Variants in KNTC1 observed in about 807,000 individuals in gnomAD.
The protein encoded by KNTC1 is kinetochore associated 1, also known as kinetochore-associated protein 1.
Under a neutral mutation model 314.4 loss-of-function variants are expected in KNTC1, and 253 were observed. The observed-to-expected ratio is 0.80, with a 90% CI of 0.73 to 0.89. The LOEUF (loss-of-function observed/expected upper bound fraction) is 0.89, where lower values mean the gene tolerates loss of function less well. KNTC1 is among the 40% of genes least tolerant of loss of function. KNTC1 has a pLI of 0.00. For synonymous variants in KNTC1, 901 were observed against 901.4 expected (o/e 1.00, Z 0.01); for missense variants, 2,475 against 2,572.9 (o/e 0.96, Z 0.82).
chr12:122,616,566 T>G (rs972121681), intron 57 of KNTC1, among the ~76,000 whole-genome samples: 1 of 152,188 alleles, frequency 6.6e-6, no homozygotes, highest in Admixed American at 6.5e-5. Flanking sequence ...CGGCCGAGAT[T>G]TCCTGTTTTA....
chr12:122,539,377 T>TA (rs2137691380), intron 4 of KNTC1, among the ~76,000 whole-genome samples: 2 of 152,322 alleles, frequency 1.3e-5, no homozygotes, highest in African/African-American at 4.8e-5. Context: ...TTGAAGGTGT[T>TA]ACCACAGCTT....
At chr12:122,545,622 T>G (rs1418016133) in intron 8 of KNTC1, among the ~76,000 whole-genome samples, 1 of 152,228 alleles carries the variant, frequency 6.6e-6, no homozygotes, top group East Asian at 1.9e-4. Flanking sequence ...GTTCACTGCA[T>G]GTCTTTAGTG....
At chr12:122,528,541 G>C (rs749559630) in intron 1 of KNTC1, among the ~76,000 whole-genome samples, 3 of 152,074 alleles carry the variant, frequency 2.0e-5, no homozygotes, top group African/African-American at 2.4e-5. Context: ...TGAGACCCTC[G>C]TCTCTCAAAA....
chr12:122,608,877 G>A (rs1334682176), intron 51 of KNTC1, among the ~76,000 whole-genome samples: 2 of 152,052 alleles, frequency 1.3e-5, no homozygotes, highest in Non-Finnish European at 1.5e-5. Flanking sequence ...GAGCAGCATA[G>A]TGAGACCCCC....
At chr12:122,536,595 C>T in intron 3 of KNTC1, among the ~76,000 whole-genome samples, 1 of 151,442 alleles carries the variant, frequency 6.6e-6, no homozygotes, top group Non-Finnish European at 1.5e-5. Flanking sequence ...TCTCAGCTCA[C>T]TGCAACCTCC....
chr12:122,546,598 G>A, intron 9 of KNTC1, 24 bp from the exon 10 acceptor site: 3 of 1,477,540 alleles, frequency 2.0e-6, no homozygotes, highest in Non-Finnish European at 2.8e-6. Context: ...AAAATCCTGA[G>A]ACATCTTATT....
chr12:122,589,722 T>C (rs892444073), intron 40 of KNTC1, among the ~76,000 whole-genome samples: 7 of 151,896 alleles, frequency 4.6e-5, no homozygotes, highest in Admixed American at 2.6e-4. Flanking sequence ...TCCTTCCACC[T>C]TGGTCTCCTG....
Position 122,546,644 on chromosome 12 carries a change from A to C in KNTC1, c.786A>C (p.Ile262=), listed in dbSNP as rs1962789348. 1.3e-6 allele frequency: 2 copies of C among 1,588,966 alleles called. No individual in the cohort carries two copies. Among genetic ancestry groups the C allele is most frequent in the Admixed American group, 3.5e-5 (2 of 57,598 alleles). The change falls in exon 10 of 64, where the codon ATA becomes ATC. Residue 262 remains isoleucine, a synonymous_variant. Transcript: ENST00000333479. The part of the protein sequence containing the change: ...IIKGAKKFQL[I]DNLLFVLDTD... ...TAGGTGCAAAGAAGTTCCAGCTGAT[A>C]GACAATCTACTTTTTGTTCTTGATA...
At chr12:122,565,263 A>AAAAC (rs1964252821) in intron 20 of KNTC1, among the ~76,000 whole-genome samples, 1 of 149,560 alleles carries the variant, frequency 6.7e-6, no homozygotes, top group Non-Finnish European at 1.5e-5. Context: ...AAAAAAAAAA[A>AAAAC]AACAGAGCTA....
At chr12:122,542,513 C>T (rs1160197432) in intron 6 of KNTC1, among the ~76,000 whole-genome samples, 2 of 152,138 alleles carry the variant, frequency 1.3e-5, no homozygotes, top group Non-Finnish European at 2.9e-5. Flanking sequence ...TGCCTGTAAT[C>T]CTGGCACTTT....
At chr12:122,624,543 T>G in intron 62 of KNTC1, 55 bp from the exon 63 acceptor site, 1 of 1,326,822 alleles carries the variant, frequency 7.5e-7, no homozygotes, top group African/African-American at 1.4e-5. Context: ...GCCGGGATTG[T>G]AGGCACAAGG....
intron 11 of KNTC1, 147 bp downstream of exon 11, chr12:122,547,677 C>G (rs1218922168): frequency 1.5e-6 from 1 of 654,370 alleles, no homozygotes; most frequent in African/African-American, 1.8e-5. Flanking sequence ...GCAAAATTCA[C>G]TGGGAACAGT....
At position 122,602,836 on chromosome 12, in the gene KNTC1, A is replaced by G. The variant is rs760590719; in HGVS notation, c.4833A>G (p.Glu1611=). The G allele has an allele frequency of 6.2e-7, 1 of 1,613,052 alleles. No homozygotes were observed. Among genetic ancestry groups the G allele is most frequent in the Non-Finnish European group, 8.5e-7 (1 of 1,179,228 alleles). The change falls in exon 47 of 64, where the codon GAA becomes GAG. Residue 1611 remains glutamate (E), a synonymous_variant. Transcript: ENST00000333479. ...AQNFWKILST[E]LSEESFPTLL... is the part of the protein sequence containing the mutation. ...TCCTTGTTTCCTTTCTAGCTACAGA[A>G]CTCAGTGAAGAATCTTTCCCAACAT...
At chr12:122,574,952 G>A (rs1964919719) in intron 27 of KNTC1, among the ~76,000 whole-genome samples, 1 of 152,124 alleles carries the variant, frequency 6.6e-6, no homozygotes, top group African/African-American at 2.4e-5. Flanking sequence ...ATAAAATAAT[G>A]AAAACTGTTT....
At chr12:122,610,786 AT>A in intron 52 of KNTC1, 35 bp from the exon 53 acceptor site, 1 of 1,361,800 alleles carries the variant, frequency 7.3e-7, no homozygotes, top group Non-Finnish European at 1.0e-6. Context: ...CCATCACTAA[AT>A]TAAAAAATGA....
intron 2 of KNTC1, among the ~76,000 whole-genome samples, chr12:122,533,404 TAAG>T (rs1026294351): frequency 2.6e-5 from 4 of 152,092 alleles, no homozygotes; most frequent in African/African-American, 4.8e-5. Flanking sequence ...AGTAAAAAGA[TAAG>T]AAGGAGGCTG....
intron 27 of KNTC1, among the ~76,000 whole-genome samples, chr12:122,575,028 A>G (rs1168740719): frequency 1.3e-5 from 2 of 152,238 alleles, no homozygotes; most frequent in Admixed American, 6.5e-5. Flanking sequence ...TTGGAAGCCA[A>G]GGCAGACAGA....
At chr12:122,585,101 G>A (rs1869047662) in intron 36 of KNTC1, 111 bp downstream of exon 36, 2 of 653,246 alleles carry the variant, frequency 3.1e-6, no homozygotes, top group East Asian at 5.4e-5. Context: ...GCAGTGGCAT[G>A]ATCAAGGCTT....
At chr12:122,540,825 C>A (rs1410136569) in intron 5 of KNTC1, among the ~76,000 whole-genome samples, 2 of 151,910 alleles carry the variant, frequency 1.3e-5, no homozygotes, top group Non-Finnish European at 2.9e-5. Context: ...CCTACTAGTT[C>A]TTTGTAAATA....
Sources: allele counts gnomAD v4.1 joint callset (sites outside exome capture counted in the v4.1 genomes callset), GRCh38; gene constraint gnomAD v4.1.1; transcripts MANE v1.5; gene names NCBI Gene and HGNC (gene_info 2026-07-23, HGNC 2026-07-21).